Variants in PDCD6 observed in about 807,000 individuals in gnomAD.
The protein encoded by PDCD6 is programmed cell death protein 6.
In PDCD6, 12 loss-of-function variants were observed where a neutral mutation model predicts 28.3. The observed-to-expected ratio is 0.42, with a 90% CI of 0.27 to 0.69. PDCD6 has a LOEUF of 0.69. PDCD6 is among the 30% of genes least tolerant of loss of function. PDCD6 has a pLI of 0.22. For missense variants in PDCD6, 226 were observed against 269.9 expected (o/e 0.84, Z 1.14); for synonymous variants, 92 against 108.0 (o/e 0.85, Z 0.92).
At position 271,715 on chromosome 5, in the gene PDCD6, T is replaced by G; in HGVS notation, c.-6T>G. On this transcript the variant is annotated 5_prime_UTR_variant, in exon 1 of 6. Transcript: ENST00000264933. ...GGCGCCTCAGCCCAGCCGCGTGCCT[T>G]GGCCCATGGCCGCCTACTCTTACCG... The G allele has an allele frequency of 6.6e-7, 1 of 1,523,652 alleles. No individual in the cohort carries two copies. The highest frequency in any genetic ancestry group is 8.8e-7 in the Non-Finnish European group (1 of 1,134,206). 94.4% of individuals were successfully genotyped at this position (1,523,652 alleles called of 1,614,324 possible). A position where few individuals can be genotyped will look rare whatever the true frequency, so the allele number is the denominator to read the frequency against.
At chr5:297,637 T>C (rs1739701855) in intron 2 of PDCD6, among the ~76,000 whole-genome samples, 1 of 152,188 alleles carries the variant, frequency 6.6e-6, no homozygotes, top group Non-Finnish European at 1.5e-5. Flanking sequence ...CTTGCACCTG[T>C]GCCCGTGGTG....
At chr5:314,345 A>T in intron 5 of PDCD6, 72 bp from the exon 6 acceptor site, 1 of 1,117,436 alleles carries the variant, frequency 8.9e-7, no homozygotes, top group Non-Finnish European at 1.4e-6. Flanking sequence ...TTGGGTCCCT[A>T]CATGCCTTTG....
intron 2 of PDCD6, among the ~76,000 whole-genome samples, chr5:280,921 A>G (rs1277962295): frequency 2.0e-5 from 3 of 152,266 alleles, no homozygotes; most frequent in African/African-American, 4.8e-5. Context: ...TGATGGGAAT[A>G]TGTTAAAAGA....
intron 2 of PDCD6, among the ~76,000 whole-genome samples, chr5:285,493 G>A (rs1738892341): frequency 6.6e-6 from 1 of 151,510 alleles, no homozygotes; most frequent in African/African-American, 2.4e-5. Flanking sequence ...ATTCCAGTTT[G>A]CAGGCCGTGC....
chr5:298,670 A>C (rs866927974), intron 2 of PDCD6, among the ~76,000 whole-genome samples: 15 of 11,820 alleles, frequency 1.3e-3, no homozygotes, highest in African/African-American at 2.3e-3. Flanking sequence ...AGCTGCTCCC[A>C]CTCAGCTGCT....
At chr5:291,757 C>T (rs930629199) in intron 2 of PDCD6, among the ~76,000 whole-genome samples, 4 of 152,156 alleles carry the variant, frequency 2.6e-5, no homozygotes, top group Admixed American at 2.0e-4. Flanking sequence ...GCTGCGTGAT[C>T]TCCCATCGTC....
intron 2 of PDCD6, among the ~76,000 whole-genome samples, chr5:286,000 G>A (rs961444353): frequency 1.3e-5 from 2 of 151,986 alleles, no homozygotes; most frequent in African/African-American, 4.8e-5. Flanking sequence ...ACCCAGGTGG[G>A]AGCTGTTGTT....
intron 2 of PDCD6, among the ~76,000 whole-genome samples, chr5:288,125 C>G (rs1739089543): frequency 6.6e-6 from 1 of 151,922 alleles, no homozygotes; most frequent in Admixed American, 6.6e-5. Flanking sequence ...CTTAAGATTT[C>G]TAGGGTTTCA....
chr5:276,936 A>C, intron 2 of PDCD6: 1 of 985,240 alleles, frequency 1.0e-6, no homozygotes, highest in Non-Finnish European at 1.2e-6. Flanking sequence ...AAATGTTCCA[A>C]ACTATCTTGA....
At chr5:283,215 A>G (rs531443320) in intron 2 of PDCD6, among the ~76,000 whole-genome samples, 1 of 150,480 alleles carries the variant, frequency 6.6e-6, no homozygotes, top group East Asian at 1.9e-4. Context: ...GCAGCTGAAG[A>G]CTCGGGGAGG....
intron 2 of PDCD6, among the ~76,000 whole-genome samples, chr5:299,779 C>G (rs2672774): frequency 0.03 from 4,632 of 152,224 alleles, 168 homozygotes; most frequent in African/African-American, 0.087. Context: ...TCGATCTCCT[C>G]ACCTGGTGAT....
chr5:295,894 A>G (rs561581646), intron 2 of PDCD6, among the ~76,000 whole-genome samples: 14 of 151,004 alleles, frequency 9.3e-5, no homozygotes, highest in Non-Finnish European at 1.3e-4. Flanking sequence ...CTGACTGACT[A>G]TATAGCAGGG....
intron 2 of PDCD6, among the ~76,000 whole-genome samples, chr5:278,216 A>G (rs1452877955): frequency 2.0e-5 from 3 of 152,160 alleles, no homozygotes; most frequent in Non-Finnish European, 4.4e-5. Context: ...TTTCTCTTGT[A>G]GGATATTTCA....
chr5:291,600 G>C (rs1424529833), intron 2 of PDCD6, among the ~76,000 whole-genome samples: 2 of 147,558 alleles, frequency 1.4e-5, no homozygotes, highest in Non-Finnish European at 3.0e-5. Flanking sequence ...CACTGACGTG[G>C]CTCCTTTTCA....
chr5:308,589 T>C (rs2126774010), intron 4 of PDCD6: 1 of 152,374 alleles, frequency 6.6e-6, no homozygotes, highest in African/African-American at 2.4e-5. Flanking sequence ...ATTGTCATCC[T>C]TTTTGTATTT....
At chr5:303,960 C>T (rs966338959) in intron 2 of PDCD6, among the ~76,000 whole-genome samples, 14 of 151,582 alleles carry the variant, frequency 9.2e-5, no homozygotes, top group East Asian at 1.9e-4. Flanking sequence ...TGGGAGGCCA[C>T]GAAGGACTCC....
chr5:311,227 G>A (rs1416137501), intron 4 of PDCD6, 66 bp from the exon 5 acceptor site: 2 of 1,190,302 alleles, frequency 1.7e-6, no homozygotes, highest in African/African-American at 1.5e-5. Flanking sequence ...GGGCAGGAGG[G>A]GTGAGTGTTG....
chr5:295,352 T>C (rs1395357805), intron 2 of PDCD6, among the ~76,000 whole-genome samples: 2 of 152,014 alleles, frequency 1.3e-5, no homozygotes, highest in Non-Finnish European at 2.9e-5. Flanking sequence ...ATTGAAGGGC[T>C]CAGTACCTGG....
chr5:282,591 T>TG (rs1738648956), intron 2 of PDCD6, among the ~76,000 whole-genome samples: 1 of 152,014 alleles, frequency 6.6e-6, no homozygotes, highest in South Asian at 2.1e-4. Flanking sequence ...TTGAGGGTCT[T>TG]GCAGCTGCAG....
Sources: allele counts gnomAD v4.1 joint callset (sites outside exome capture counted in the v4.1 genomes callset), GRCh38; gene constraint gnomAD v4.1.1; transcripts MANE v1.5; gene names NCBI Gene and HGNC (gene_info 2026-07-23, HGNC 2026-07-21).